BRF1: variants seen among roughly 807,000 people sequenced by gnomAD.
BRF1 encodes transcription factor IIIB 90 kDa subunit.
A neutral mutation model predicts 81.7 loss-of-function variants in BRF1; 59 were observed. That is an observed-to-expected ratio of 0.72 (90% confidence interval 0.59 to 0.90). The LOEUF is 0.90. BRF1 is among the 40% of genes least tolerant of loss of function. BRF1 has a pLI of 0.00. For missense variants in BRF1, 1,050 were observed against 936.3 expected, an observed-to-expected ratio of 1.12 and a Z score of -1.58; for synonymous variants, 491 against 395.6, an observed-to-expected ratio of 1.24 and a Z score of -2.86.
intron 1 of BRF1, among the ~76,000 whole-genome samples, chr14:105,290,567 G>A (rs587654840): frequency 3.9e-5 from 6 of 152,246 alleles, no homozygotes; most frequent in African/African-American, 7.2e-5. Flanking sequence ...GAGATGCCAC[G>A]TTAAATTACA....
At chr14:105,228,149 C>CA (rs2054135332) in intron 7 of BRF1, 1 of 152,190 alleles carries the variant, frequency 6.6e-6, no homozygotes, top group African/African-American at 2.4e-5. Context: ...CCTGGGCTCT[C>CA]AAAGTCCAGG....
intron 1 of BRF1, among the ~76,000 whole-genome samples, chr14:105,299,144 G>C (rs1049026662): frequency 6.6e-6 from 1 of 152,320 alleles, no homozygotes; most frequent in African/African-American, 2.4e-5. Context: ...CTGCACTCCA[G>C]CCTGGGCAAC....
chr14:105,315,133 C>T lies in BRF1; in HGVS notation c.-162+189G>A, dbSNP rs1490497319. The T allele has an allele frequency of 1.2e-5, 9 of 749,224 alleles. No homozygotes were observed. In the African/African-American group the frequency reaches 1.5e-4, roughly 13 times the overall value. 46.4% of individuals were successfully genotyped at this position (749,224 alleles called of 1,614,324 possible). ...CGCCCCATCCCCGGCCCGGGTCCCC[C>T]AGCGGAGCCCAGGTCGCCCCCCGCG... On this transcript the variant is annotated intron_variant, in intron 1 of 17. Coordinates refer to the BRF1 transcript ENST00000327359. This position sits in a 1 kb window ranked among gnomAD's most constrained non-coding sequence, Gnocchi z 4.4.
chr14:105,254,214 C>G (rs773673793), intron 4 of BRF1, among the ~76,000 whole-genome samples: 23 of 152,204 alleles, frequency 1.5e-4, no homozygotes, highest in Non-Finnish European at 3.1e-4. Flanking sequence ...TGGAAACTCA[C>G]GTTTAAAAAG....
At chr14:105,256,200 T>A (rs929987360) in intron 4 of BRF1, 93 of 1,531,918 alleles carry the variant, frequency 6.1e-5, no homozygotes, top group East Asian at 2.7e-4. Flanking sequence ...CACAAAAAAA[T>A]TTTTTAATTG....
Position 105,217,746 on chromosome 14 carries a change from C to T in BRF1, c.1570G>A (p.Ala524Thr), listed in dbSNP as rs1363122742. 1 of 1,613,248 alleles carries T rather than the reference C, an allele frequency of 6.2e-7. No individual in the cohort carries two copies. Among genetic ancestry groups the T allele is most frequent in the African/African-American group, 1.3e-5 (1 of 74,954 alleles). The change falls in exon 15 of 18, where the codon GCC (alanine) becomes ACC (threonine). Residue 524 changes from alanine (A) to threonine (T), a missense_variant. By Grantham distance (58) the Ala-to-Thr change is moderately conservative (BLOSUM62 0). Transcript: ENST00000547530. ...TTCTGCTCCAGCATCTTCTCGATGG[C>T]CTCCCTGGCGGTACTGGCCTGAATT... ...EPIQASTARE[A>T]IEKMLEQKKI...
chr14:105,210,593 A>C lies in BRF1; in HGVS notation c.1997-5T>G. On this transcript the variant is annotated splice_region_variant and splice_polypyrimidine_tract_variant and intron_variant, in intron 17 of 17. Transcript: ENST00000547530. The surrounding 1 kb of genome is among the most constrained non-coding windows in gnomAD (Gnocchi z 4.7). ...CATCGCCATCACAGCCATAGTCTGC[A>C]GAAGAGCACAGTCATGAAGCCCAGG... 1 of 1,611,492 alleles carries C rather than the reference A, an allele frequency of 6.2e-7. No homozygotes were observed. The highest frequency in any genetic ancestry group is 8.5e-7 in the Non-Finnish European group (1 of 1,179,814).
At position 105,211,309 on chromosome 14, in the gene BRF1, G is replaced by T; in HGVS notation, c.1825-16C>A. On this transcript the variant is annotated splice_polypyrimidine_tract_variant and intron_variant, in intron 16 of 17. Transcript: ENST00000547530. ...GGAGCAAAGCCTGGAACGAAGTGGG[G>T]CTCTGACACACACAGAGCTGGGAGC... The T allele has an allele frequency of 1.3e-6, 2 of 1,577,304 alleles. No individual in the cohort carries two copies. The highest frequency in any genetic ancestry group is 8.6e-7 in the Non-Finnish European group (1 of 1,161,312).
upstream of BRF1, among the ~76,000 whole-genome samples, chr14:105,305,349 C>T (rs1320207675): frequency 6.6e-6 from 1 of 152,164 alleles, no homozygotes; most frequent in Non-Finnish European, 1.5e-5. Flanking sequence ...CTGCAGTGAG[C>T]TGAGATCACA....
At chr14:105,250,407 T>C (rs2055534909) in intron 5 of BRF1, 1 of 1,613,796 alleles carries the variant, frequency 6.2e-7, no homozygotes, top group Non-Finnish European at 8.5e-7. Flanking sequence ...GGGGTGGTTC[T>C]GGCTCAGAAC....
At chr14:105,226,786 T>TG in intron 7 of BRF1, 26 bp from the exon 8 acceptor site, 2 of 1,612,832 alleles carry the variant, frequency 1.2e-6, no homozygotes, top group Non-Finnish European at 1.7e-6. Flanking sequence ...ACATGGGAAA[T>TG]GGAGCTGGTG....
intron 5 of BRF1, chr14:105,248,769 C>A (rs2055343375): frequency 2.0e-6 from 2 of 981,478 alleles, no homozygotes; most frequent in Admixed American, 6.3e-5. Context: ...GACCTCCTTG[C>A]TTTTGCTTGC....
intron 6 of BRF1, 55 bp from the exon 7 acceptor site, chr14:105,228,968 C>A: frequency 6.6e-7 from 1 of 1,522,936 alleles, no homozygotes; most frequent in East Asian, 2.2e-5. Context: ...AGGGCAACAT[C>A]TGTGGCGGCC....
At chr14:105,296,262 C>T (rs796301302) in intron 1 of BRF1, among the ~76,000 whole-genome samples, 7 of 152,192 alleles carry the variant, frequency 4.6e-5, no homozygotes, top group African/African-American at 1.7e-4. Flanking sequence ...CAACAGCTCA[C>T]ACCTGTAATC....
At position 105,315,084 on chromosome 14, in the gene BRF1, G is replaced by A; in HGVS notation, c.-162+238C>T. 2 of 1,072,622 alleles carry A rather than the reference G, an allele frequency of 1.9e-6. No individual in the cohort carries two copies. The highest frequency in any genetic ancestry group is 3.3e-5 in the South Asian group (1 of 30,344). 66.4% of individuals were successfully genotyped at this position (1,072,622 alleles called of 1,614,324 possible). A position where few individuals can be genotyped will look rare whatever the true frequency, so the allele number is the denominator to read the frequency against. On this transcript the variant is annotated intron_variant, in intron 1 of 17. Transcript: ENST00000327359. The surrounding 1 kb of genome is among the most constrained non-coding windows in gnomAD (Gnocchi z 4.4). Reference sequence around the variant, plus strand: ...TTGTTCCCGCCGGGCACCTGCTGGGGGTGTCCTGGCCGCGGCCTCTGCGCG... The same window carrying A: ...TTGTTCCCGCCGGGCACCTGCTGGGAGTGTCCTGGCCGCGGCCTCTGCGCG...
At chr14:105,246,653 C>G (rs942985079) in intron 5 of BRF1, among the ~76,000 whole-genome samples, 8 of 150,488 alleles carry the variant, frequency 5.3e-5, no homozygotes. Context: ...GATGGGGTTT[C>G]ACCATGTTGG....
At chr14:105,215,210 A>C (rs1380986746) in intron 15 of BRF1, among the ~76,000 whole-genome samples, 1 of 151,880 alleles carries the variant, frequency 6.6e-6, no homozygotes, top group Non-Finnish European at 1.5e-5. Context: ...GAGAGACTTA[A>C]GACACACACA....
intron 3 of BRF1, among the ~76,000 whole-genome samples, chr14:105,268,917 T>G (rs1268268507): frequency 6.6e-6 from 1 of 152,148 alleles, no homozygotes; most frequent in African/African-American, 2.4e-5. Context: ...ACACACCCTC[T>G]CCTGGGTGGA....
At chr14:105,245,231 A>C (rs2735824) in intron 5 of BRF1, among the ~76,000 whole-genome samples, 36,775 of 151,922 alleles carry the variant, frequency 0.24, 4,769 homozygotes, top group South Asian at 0.29. Context: ...CATGGTGGCA[A>C]GTGCCTGTAA....
Sources: allele counts gnomAD v4.1 joint callset (sites outside exome capture counted in the v4.1 genomes callset), GRCh38; gene constraint gnomAD v4.1.1; non-coding constraint Gnocchi (gnomAD v3.1); transcripts MANE v1.5; gene names NCBI Gene and HGNC (gene_info 2026-07-23, HGNC 2026-07-21).